Variants in MTA3 observed in about 807,000 individuals in gnomAD.
MTA3 encodes metastasis associated 1 family member 3.
A neutral mutation model predicts 83.5 loss-of-function variants in MTA3; 34 were observed. That is an observed-to-expected ratio of 0.41 (90% CI 0.31 to 0.54). The LOEUF (loss-of-function observed/expected upper bound fraction) is 0.54, where lower values mean the gene tolerates loss of function less well. Among genes scored for constraint, MTA3 ranks in the 20% least tolerant of loss-of-function variants. The probability of loss-of-function intolerance (pLI) is 0.33; values close to 1 mark genes in which losing one functional copy is unlikely to be tolerated. For missense variants in MTA3, 761 were observed against 726.4 expected, an observed-to-expected ratio of 1.05 and a Z score of -0.55; for synonymous variants, 303 against 252.7, an observed-to-expected ratio of 1.20 and a Z score of -1.89.
chr2:42,681,185 T>G (rs1238494374), intron 8 of MTA3, among the ~76,000 whole-genome samples: 1 of 152,244 alleles, frequency 6.6e-6, no homozygotes. Context: ...CCTTGAAATA[T>G]ATAAGAAAAC....
intron 16 of MTA3, among the ~76,000 whole-genome samples, chr2:42,733,550 A>G (rs1668389826): frequency 6.6e-6 from 1 of 152,174 alleles, no homozygotes; most frequent in African/African-American, 2.4e-5. Flanking sequence ...AGGTTTTGGT[A>G]TGTTGTATTT....
At chr2:42,504,998 G>T (rs531164920) in intron 2 of MTA3, among the ~76,000 whole-genome samples, 2 of 152,176 alleles carry the variant, frequency 1.3e-5, no homozygotes, top group African/African-American at 4.8e-5. Context: ...ACCTTGCTCT[G>T]TACGATGGCT....
chr2:42,691,454 T>C (rs1226372736), intron 9 of MTA3, among the ~76,000 whole-genome samples: 1 of 152,240 alleles, frequency 6.6e-6, no homozygotes. Context: ...TTTTTGTTGA[T>C]TCTGTGTCTT....
intron 16 of MTA3, among the ~76,000 whole-genome samples, chr2:42,747,984 C>A (rs143670467): frequency 1.3e-5 from 2 of 151,930 alleles, no homozygotes; most frequent in Non-Finnish European, 2.9e-5. Flanking sequence ...CAGGTGACCA[C>A]TGATTTGTTT....
At chr2:42,740,099 A>G (rs1350008098) in intron 16 of MTA3, among the ~76,000 whole-genome samples, 1 of 152,248 alleles carries the variant, frequency 6.6e-6, no homozygotes, top group Non-Finnish European at 1.5e-5. Context: ...GGCATCTATA[A>G]AGGTGAGTCC....
chr2:42,528,284 G>GCT (rs1675809179), intron 2 of MTA3, among the ~76,000 whole-genome samples: 1 of 147,154 alleles, frequency 6.8e-6, no homozygotes, highest in African/African-American at 2.5e-5. Flanking sequence ...GCGGTGGCGT[G>GCT]ATCTCGGCTC....
chr2:42,511,598 C>T (rs1173802568), intron 2 of MTA3: 2 of 152,186 alleles, frequency 1.3e-5, no homozygotes, highest in Non-Finnish European at 1.5e-5. Flanking sequence ...TGCCTGTAAT[C>T]CCAGCTACTT....
At chr2:42,585,887 A>G (rs954426116) in intron 3 of MTA3, among the ~76,000 whole-genome samples, 4 of 152,208 alleles carry the variant, frequency 2.6e-5, no homozygotes, top group South Asian at 2.1e-4. Context: ...GGAATGAGCT[A>G]TGATTGAGCA....
chr2:42,654,709 G>T (rs904719892), intron 6 of MTA3, among the ~76,000 whole-genome samples: 1 of 152,038 alleles, frequency 6.6e-6, no homozygotes, highest in African/African-American at 2.4e-5. Context: ...CAACCTCCTG[G>T]GCTGAAGCAG....
At chr2:42,671,491 T>G (rs1383579230) in intron 8 of MTA3, among the ~76,000 whole-genome samples, 1 of 152,174 alleles carries the variant, frequency 6.6e-6, no homozygotes, top group Non-Finnish European at 1.5e-5. Flanking sequence ...CTTCTGCTTT[T>G]CTTTAGGTTT....
intron 2 of MTA3, among the ~76,000 whole-genome samples, chr2:42,541,702 C>G (rs1013383635): frequency 1.3e-5 from 2 of 152,196 alleles, no homozygotes; most frequent in Non-Finnish European, 2.9e-5. Flanking sequence ...CTGTGCCATT[C>G]AGTAACCTTG....
At chr2:42,669,158 C>T (rs1220017638) in intron 8 of MTA3, among the ~76,000 whole-genome samples, 2 of 148,448 alleles carry the variant, frequency 1.3e-5, no homozygotes, top group South Asian at 2.1e-4. Context: ...GTTCTTGGCT[C>T]ACTGCAACCT....
intron 2 of MTA3, among the ~76,000 whole-genome samples, chr2:42,573,815 T>A (rs1382596544): frequency 2.6e-5 from 4 of 151,126 alleles, no homozygotes; most frequent in African/African-American, 9.7e-5. Context: ...CAGCATTTTC[T>A]TTCTTTCTTT....
intron 16 of MTA3, among the ~76,000 whole-genome samples, chr2:42,735,357 T>G (rs114510840): frequency 6.6e-6 from 1 of 152,194 alleles, no homozygotes; most frequent in African/African-American, 2.4e-5. Context: ...CTTTGTATGA[T>G]ATTTGTTCCT....
chr2:42,628,977 T>G (rs1479006776), intron 4 of MTA3, among the ~76,000 whole-genome samples: 1 of 152,180 alleles, frequency 6.6e-6, no homozygotes, highest in Non-Finnish European at 1.5e-5. Flanking sequence ...TGGAATAGAT[T>G]GCCAGAGTGA....
At chr2:42,594,719 TATATA>T (rs1681510065) in intron 3 of MTA3, among the ~76,000 whole-genome samples, 2 of 43,702 alleles carry the variant, frequency 4.6e-5, no homozygotes, top group African/African-American at 1.6e-4. Flanking sequence ...TATATATATA[TATATA>T]TATATTTTTT....
intron 2 of MTA3, among the ~76,000 whole-genome samples, chr2:42,542,304 G>GC (rs1234520349): frequency 6.6e-6 from 1 of 152,142 alleles, no homozygotes; most frequent in Non-Finnish European, 1.5e-5. Context: ...ATCAGACAAT[G>GC]CAAGTCGTGG....
chr2:42,532,874 A>G (rs1276944429), intron 2 of MTA3: 6 of 346,092 alleles, frequency 1.7e-5, no homozygotes, highest in Non-Finnish European at 2.8e-5. Flanking sequence ...GAACCCAGGC[A>G]CCTTTCTCTT....
At chr2:42,622,807 C>G (rs996345369) in intron 4 of MTA3, among the ~76,000 whole-genome samples, 2 of 152,046 alleles carry the variant, frequency 1.3e-5, no homozygotes, top group African/African-American at 4.8e-5. Flanking sequence ...GTAAGAGAAT[C>G]TTGAGAACAA....
Sources: gnomAD v4.1 joint callset for allele counts (sites outside exome capture counted in the v4.1 genomes callset) on GRCh38, gnomAD v4.1.1 for gene constraint, MANE v1.5 for transcripts, NCBI Gene and HGNC (gene_info 2026-07-23, HGNC 2026-07-21) for gene names.